The following TCTN3 variants were observed in gnomAD, a reference collection of about 807,000 sequenced individuals.
TCTN3 encodes the protein tectonic-3.
Under a neutral mutation model 71.3 loss-of-function variants are expected in TCTN3, and 57 were observed. The observed-to-expected ratio is 0.80, with a 90% CI of 0.65 to 1.00. The LOEUF (loss-of-function observed/expected upper bound fraction) is 1.00, where lower values mean the gene tolerates loss of function less well. Ranked by LOEUF, TCTN3 falls within the 50% of genes least tolerant of loss-of-function variation. TCTN3 has a pLI of 0.00. For missense variants in TCTN3, 696 were observed against 719.9 expected (o/e 0.97, Z 0.38); for synonymous variants, 258 against 267.8 (o/e 0.96, Z 0.36).
At chr10:95,689,601 A>T (rs950848331) in intron 3 of TCTN3, among the ~76,000 whole-genome samples, 20 of 152,372 alleles carry the variant, frequency 1.3e-4, no homozygotes, top group African/African-American at 4.3e-4. Context: ...TTCATGGCTT[A>T]AATGAATAAG....
rs745634312 is a variant in TCTN3 at position 95,687,642 on chromosome 10, C to T, written c.577G>A (p.Glu193Lys). 3.7e-6 allele frequency: 6 copies of T among 1,614,018 alleles called. No individual in the cohort carries two copies. The highest frequency in any genetic ancestry group is 1.7e-5 in the Admixed American group (1 of 59,992). Residue 193 changes from glutamate (E) to lysine (K), a missense_variant, in exon 4 of 14, where the codon GAA becomes AAA. Coordinates refer to ENST00000371217, the MANE Select transcript of TCTN3 (RefSeq NM_015631.6). ...GTTTGGAATGTTGAAGTGAATGATT[C>T]GCCTCCAAACTCTGCAGCCAGGGCC... is the stretch of plus-strand genomic sequence containing the variant. Reference protein sequence around the residue: ...FQALAAEFGGESFTSTFQTQS... With the variant: ...FQALAAEFGGKSFTSTFQTQS...
chr10:95,687,944 C>G (rs2097950033), intron 3 of TCTN3, among the ~76,000 whole-genome samples: 1 of 152,154 alleles, frequency 6.6e-6, no homozygotes, highest in Non-Finnish European at 1.5e-5. Context: ...CCAGAAATAA[C>G]AATTCTGATT....
At chr10:95,669,257 T>C (rs1390818393) in intron 13 of TCTN3, among the ~76,000 whole-genome samples, 1 of 152,226 alleles carries the variant, frequency 6.6e-6, no homozygotes, top group South Asian at 2.1e-4. Context: ...AATAACAATA[T>C]ATTGTGTATT....
In TCTN3 at chr10:95,682,803, AC is replaced by A. The variant is rs2097944381; in HGVS notation, c.1299del (p.Arg433SerfsTer2). 6.2e-7 allele frequency: 1 copy of A among 1,613,424 alleles called. No homozygotes were observed. Among genetic ancestry groups the A allele is most frequent in the African/African-American group, 1.3e-5 (1 of 74,884 alleles). On this transcript the variant is annotated frameshift_variant and splice_region_variant, in exon 12 of 14. Coordinates refer to ENST00000371217, the MANE Select transcript of TCTN3 (RefSeq NM_015631.6). LOFTEE classifies it high-confidence loss of function. Reference sequence around the variant, plus strand: ...AAGTGGCTGCAGTCTGCCTTCTTCAACCTATAATTAAACACCATGGAGGCTG... The same window carrying A: ...AAGTGGCTGCAGTCTGCCTTCTTCAACTATAATTAAACACCATGGAGGCTG... ...GVNAISGCKL[R>X]LKKADCSHLQ...
chr10:95,688,388 C>CAAAA (rs1491223727), intron 3 of TCTN3, among the ~76,000 whole-genome samples: 1 of 43,792 alleles, frequency 2.3e-5, no homozygotes. Context: ...GAAACTCTGT[C>CAAAA]AAAAAAAAGA....
intron 13 of TCTN3, among the ~76,000 whole-genome samples, chr10:95,674,808 G>A (rs188800201): frequency 1.1e-4 from 16 of 149,280 alleles, no homozygotes; most frequent in East Asian, 4.0e-4. Flanking sequence ...GTGACAGAGC[G>A]AGACCCCATC....
chr10:95,673,999 A>G (rs762883274), intron 13 of TCTN3, among the ~76,000 whole-genome samples: 30 of 152,238 alleles, frequency 2.0e-4, no homozygotes, highest in Non-Finnish European at 3.7e-4. Flanking sequence ...CTTTAAATCA[A>G]GTACTGTAAG....
intron 13 of TCTN3, 58 bp downstream of exon 13, chr10:95,680,414 C>G: frequency 6.5e-7 from 1 of 1,530,862 alleles, no homozygotes; most frequent in Non-Finnish European, 8.8e-7. Flanking sequence ...TAACAAATGA[C>G]TGATAAGACA....
At chr10:95,666,158 G>T (rs1368318847) in intron 13 of TCTN3, among the ~76,000 whole-genome samples, 3 of 151,626 alleles carry the variant, frequency 2.0e-5, no homozygotes, top group African/African-American at 4.9e-5. Context: ...AGCCAGGATG[G>T]TCTCGATCTC....
intron 13 of TCTN3, among the ~76,000 whole-genome samples, chr10:95,676,475 G>A (rs111920151): frequency 0.021 from 3,230 of 152,120 alleles, 60 homozygotes; most frequent in South Asian, 0.082. Flanking sequence ...AAAGTGCTAG[G>A]ATTACAGGTG....
chr10:95,686,039 C>G (rs1488078352), intron 7 of TCTN3, among the ~76,000 whole-genome samples: 1 of 152,178 alleles, frequency 6.6e-6, no homozygotes, highest in Non-Finnish European at 1.5e-5. Flanking sequence ...CCAGCCTGGA[C>G]AACATAGCAA....
In TCTN3 at chr10:95,670,620, C is replaced by T. The variant is rs115251183; in HGVS notation, c.1591-6320G>A. ...TGGACTCAGGCAATCCATCCGCCTC[C>T]GCCTCCCAAAATGCTGGAATTACAA... On this transcript the variant is annotated intron_variant, in intron 13 of 13. Transcript: ENST00000371217. Among the ~76,000 whole-genome samples the T allele has an allele frequency of 3.3e-3, 509 of 151,946 alleles. 5 individuals are homozygous for T. The highest frequency in any genetic ancestry group is 0.012 in the African/African-American group (493 of 41,406).
At chr10:95,687,550 A>G in intron 4 of TCTN3, 42 bp downstream of exon 4, 1 of 1,605,528 alleles carries the variant, frequency 6.2e-7, no homozygotes, top group Non-Finnish European at 8.5e-7. Context: ...CTGTGAGAGT[A>G]AAAACTAAAC....
rs1441348478 is a variant in TCTN3, at chr10:95,664,006, G to C, written c.*61C>G. On this transcript the variant is annotated 3_prime_UTR_variant, in exon 14 of 14. Transcript: ENST00000371217. Reference sequence around the variant, plus strand: ...AGCAGGTGAGGTTCTATTTAGCCAAGATAAGTGGCTGCCTCAGAGTTTCTC... The same window carrying C: ...AGCAGGTGAGGTTCTATTTAGCCAACATAAGTGGCTGCCTCAGAGTTTCTC... 3 of 1,443,130 alleles carry C rather than the reference G, an allele frequency of 2.1e-6. No individual in the cohort carries two copies. The African/African-American group carries it at 4.2e-5, about 20-fold the overall frequency. The allele number at this position is 1,443,130 out of a possible 1,614,324, so 89.4% of individuals were successfully genotyped here.
intron 5 of TCTN3, 41 bp from the exon 6 acceptor site, chr10:95,687,200 C>T: frequency 1.2e-6 from 2 of 1,612,192 alleles, no homozygotes; most frequent in Non-Finnish European, 1.7e-6. Context: ...ATGAGAAAGC[C>T]TGTTTTAAAT....
At chr10:95,688,781 A>C (rs929300674) in intron 3 of TCTN3, among the ~76,000 whole-genome samples, 1 of 152,198 alleles carries the variant, frequency 6.6e-6, no homozygotes, top group East Asian at 1.9e-4. Flanking sequence ...TCTTGCAGTC[A>C]TCTCTTTATG....
At chr10:95,681,349 T>G (rs1377976133) in intron 12 of TCTN3, among the ~76,000 whole-genome samples, 1 of 152,204 alleles carries the variant, frequency 6.6e-6, no homozygotes, top group Non-Finnish European at 1.5e-5. Context: ...GTGCTGGGAT[T>G]ACAGGTGTAA....
intron 10 of TCTN3, 112 bp from the exon 11 acceptor site, chr10:95,683,307 C>T: frequency 1.3e-6 from 2 of 1,498,236 alleles, no homozygotes; most frequent in Non-Finnish European, 1.8e-6. Flanking sequence ...GTATTACTAT[C>T]ATAATGTTCG....
intron 7 of TCTN3, among the ~76,000 whole-genome samples, chr10:95,686,177 G>A (rs1218788500): frequency 3.3e-5 from 5 of 152,196 alleles, no homozygotes; most frequent in African/African-American, 1.2e-4. Context: ...GCAGTGAACT[G>A]TGACCGTGCC....
Sources: gnomAD v4.1 joint callset for allele counts (sites outside exome capture counted in the v4.1 genomes callset) on GRCh38, gnomAD v4.1.1 for gene constraint, MANE v1.5 for transcripts, NCBI Gene and HGNC (gene_info 2026-07-23, HGNC 2026-07-21) for gene names.